Variants in ITGB1 observed in about 807,000 individuals in gnomAD.
The protein encoded by ITGB1 is integrin subunit beta 1, also known as integrin beta-1.
In ITGB1, 24 loss-of-function variants were observed where a neutral mutation model predicts 86.5. The observed-to-expected ratio is 0.28, with a 90% confidence interval of 0.20 to 0.39. ITGB1 has a LOEUF of 0.39. Ranked by LOEUF, ITGB1 falls within the 10% of genes least tolerant of loss-of-function variation. The pLI is 1.00. For missense variants in ITGB1, 556 were observed against 946.9 expected, an observed-to-expected ratio of 0.59 and a Z score of 5.42; for synonymous variants, 323 against 316.8, an observed-to-expected ratio of 1.02 and a Z score of -0.21.
intron 11 of ITGB1, among the ~76,000 whole-genome samples, chr10:32,913,152 C>T (rs1485568228): frequency 1.3e-5 from 2 of 152,108 alleles, no homozygotes; most frequent in Non-Finnish European, 2.9e-5. Flanking sequence ...ACACCAAAAC[C>T]CCATCTGTAC....
intron 1 of ITGB1, among the ~76,000 whole-genome samples, chr10:32,954,606 A>C (rs1203939838): frequency 2.6e-5 from 4 of 152,210 alleles, no homozygotes. Context: ...CAACAAACAT[A>C]ATAGTAGACC....
At chr10:32,957,064 A>G (rs183075213) in intron 1 of ITGB1, among the ~76,000 whole-genome samples, 5 of 152,314 alleles carry the variant, frequency 3.3e-5, no homozygotes, top group East Asian at 1.9e-4. Flanking sequence ...TCGAAACAGT[A>G]CCAATCTCAT....
chr10:32,904,949 T>G (rs1565817142), intron 15 of ITGB1, among the ~76,000 whole-genome samples: 1 of 151,912 alleles, frequency 6.6e-6, no homozygotes, highest in East Asian at 1.9e-4. Flanking sequence ...TTCACCTCAG[T>G]AGGACAGAAA....
chr10:32,940,436 G>A (rs192305802), intron 1 of ITGB1, among the ~76,000 whole-genome samples: 1 of 152,154 alleles, frequency 6.6e-6, no homozygotes, highest in East Asian at 1.9e-4. Context: ...CTGTAATTTA[G>A]ATGCTATGCG....
intron 3 of ITGB1, among the ~76,000 whole-genome samples, chr10:32,930,603 TTAAG>T (rs2094980302): frequency 1.3e-5 from 2 of 152,160 alleles, no homozygotes; most frequent in African/African-American, 4.8e-5. Context: ...TGAAAAAACT[TTAAG>T]TATTAGCTAT....
At chr10:32,944,972 C>T in intron 1 of ITGB1, 1 of 1,031,778 alleles carries the variant, frequency 9.7e-7, no homozygotes, top group South Asian at 1.3e-5. Flanking sequence ...TAAAGTTCCA[C>T]AAAGAAGCCA....
intron 11 of ITGB1, among the ~76,000 whole-genome samples, chr10:32,916,724 C>G (rs564032571): frequency 4.6e-5 from 7 of 152,326 alleles, no homozygotes; most frequent in African/African-American, 1.7e-4. Flanking sequence ...ATTCCATGCT[C>G]ATGGATAGGA....
chr10:32,935,571 A>G lies in ITGB1; in HGVS notation c.1-13T>C. On this transcript the variant is annotated splice_polypyrimidine_tract_variant and intron_variant, in intron 1 of 15. Transcript: ENST00000302278. ...GTTGTAAATTCATCTGAAATGTAAA[A>G]TGTGCCTTATATTAGTTATAAAGAA... 1 of 1,574,246 alleles carries G rather than the reference A, an allele frequency of 6.4e-7. No individual in the cohort carries two copies. Among genetic ancestry groups the G allele is most frequent in the Non-Finnish European group, 8.7e-7 (1 of 1,143,936 alleles).
intron 11 of ITGB1, among the ~76,000 whole-genome samples, chr10:32,917,597 C>T (rs1437610519): frequency 6.6e-6 from 1 of 152,186 alleles, no homozygotes; most frequent in East Asian, 1.9e-4. Context: ...AAAAAATGCT[C>T]ATCATCACTG....
intron 2 of ITGB1, among the ~76,000 whole-genome samples, chr10:32,933,795 T>G (rs2094991860): frequency 6.6e-6 from 1 of 152,206 alleles, no homozygotes; most frequent in Admixed American, 6.5e-5. Context: ...TTGTATACTG[T>G]TTTTTATACC....
chr10:32,920,724 G>A (rs1348509897), intron 9 of ITGB1, among the ~76,000 whole-genome samples: 1 of 151,642 alleles, frequency 6.6e-6, no homozygotes, highest in Admixed American at 6.6e-5. Flanking sequence ...TGTAATCCCA[G>A]CACTTTGGGA....
Position 32,911,456 on chromosome 10 carries a change from A to C in ITGB1, c.1923T>G (p.Ala641=). 6.2e-7 allele frequency: 1 copy of C among 1,613,896 alleles called. No individual in the cohort carries two copies. Among genetic ancestry groups the C allele is most frequent in the East Asian group, 2.2e-5 (1 of 44,880 alleles). Residue 641 remains alanine, a synonymous_variant, in exon 13 of 16, where the codon GCT becomes GCG. Coordinates refer to ENST00000302278, the MANE Select transcript of ITGB1 (RefSeq NM_002211.4). ...EMCQTCLGVC[A]EHKECVQCRA... ...AATTAGGAAATACTTACTTATGCTC[A>C]GCACAGACACCAAGGCAGGTCTGAC...
At chr10:32,919,274 A>AT (rs2094941363) in intron 11 of ITGB1, among the ~76,000 whole-genome samples, 1 of 152,220 alleles carries the variant, frequency 6.6e-6, no homozygotes, top group Admixed American at 6.5e-5. Flanking sequence ...GCGGTATTCA[A>AT]TGTATACTCA....
In ITGB1 at chr10:32,928,280, AT is replaced by A; in HGVS notation, c.377-17del. ...TGTGGCTCCCCTAATTAGACAAGAGATTAGAAAATGAAACTTGCCTGTTGGC... is the reference window on the plus strand; with the variant it reads ...TGTGGCTCCCCTAATTAGACAAGAGATAGAAAATGAAACTTGCCTGTTGGC... On this transcript the variant is annotated splice_polypyrimidine_tract_variant and intron_variant, in intron 4 of 15. Coordinates refer to ENST00000302278, the MANE Select transcript of ITGB1 (RefSeq NM_002211.4). The A allele has an allele frequency of 1.2e-6, 1 of 828,104 alleles. No homozygotes were observed. Among genetic ancestry groups the A allele is most frequent in the Non-Finnish European group, 2.1e-6 (1 of 485,628 alleles). 51.3% of individuals were successfully genotyped at this position (828,104 alleles called of 1,614,324 possible).
At chr10:32,928,816 AC>A (rs369656450) in intron 4 of ITGB1, among the ~76,000 whole-genome samples, 119 of 151,892 alleles carry the variant, frequency 7.8e-4, no homozygotes, top group Middle Eastern at 6.8e-3. Flanking sequence ...TACAAAAGAA[AC>A]CCAGAGAGAG....
At chr10:32,942,669 G>GTC (rs1335073920) in intron 1 of ITGB1, among the ~76,000 whole-genome samples, 24 of 139,168 alleles carry the variant, frequency 1.7e-4, no homozygotes, top group South Asian at 4.7e-4. Flanking sequence ...CCTCGACCCT[G>GTC]TCTCTCTCTC....
chr10:32,924,458 T>G (rs1214639821), intron 6 of ITGB1, among the ~76,000 whole-genome samples: 1 of 152,230 alleles, frequency 6.6e-6, no homozygotes, highest in Non-Finnish European at 1.5e-5. Flanking sequence ...TGTTTAGATC[T>G]TCATAAGACA....
At position 32,920,289 on chromosome 10, in the gene ITGB1, C is replaced by G; in HGVS notation, c.1225G>C (p.Gly409Arg). 1 of 1,613,592 alleles carries G rather than the reference C, an allele frequency of 6.2e-7. No individual in the cohort carries two copies. Among genetic ancestry groups the G allele is most frequent in the Non-Finnish European group, 8.5e-7 (1 of 1,179,640 alleles). ...TTGGAACATTTTCTTCCATTTTCCC[C>G]TGTTCCATTCACCCCGTTCTTGCAG... ...SYCKNGVNGT[G>R]ENGRKCSNIS... The change falls in exon 10 of 16, where the codon GGG (glycine) becomes CGG (arginine). Residue 409 changes from glycine to arginine, a missense_variant. Gly to Arg is a moderately radical substitution (Grantham distance 125). Coordinates refer to ENST00000302278, the MANE Select transcript of ITGB1 (RefSeq NM_002211.4).
At chr10:32,953,177 T>C (rs961689867) in intron 1 of ITGB1, among the ~76,000 whole-genome samples, 2 of 152,240 alleles carry the variant, frequency 1.3e-5, no homozygotes, top group African/African-American at 4.8e-5. Context: ...ACACAACGTG[T>C]TCCAAAACCA....
Sources: gnomAD v4.1 joint callset for allele counts (sites outside exome capture counted in the v4.1 genomes callset) on GRCh38, gnomAD v4.1.1 for gene constraint, MANE v1.5 for transcripts, NCBI Gene and HGNC (gene_info 2026-07-23, HGNC 2026-07-21) for gene names.